Variants in CCDC3 observed in about 807,000 individuals in gnomAD.
The protein encoded by CCDC3 is coiled-coil domain-containing protein 3.
CCDC3 carries 24 observed loss-of-function variants against 21.4 expected under a neutral mutation model. The ratio of observed to expected loss-of-function variants is 1.12; its 90% CI spans 0.81 to 1.58. The LOEUF (loss-of-function observed/expected upper bound fraction) is 1.58. CCDC3 is among the 40% of genes most tolerant of loss of function. The pLI is 0.00. For missense variants in CCDC3, 425 were observed against 360.9 expected (o/e 1.18, Z -1.44); for synonymous variants, 186 against 166.0 (o/e 1.12, Z -0.93).
chr10:12,928,913 C>G (rs764013038), intron 2 of CCDC3, among the ~76,000 whole-genome samples: 1 of 152,132 alleles, frequency 6.6e-6, no homozygotes, highest in African/African-American at 2.4e-5. Flanking sequence ...GCTTTGGAGG[C>G]ACCTGGTTGA....
chr10:12,916,238 C>T (rs1453697904), intron 2 of CCDC3, among the ~76,000 whole-genome samples: 4 of 152,222 alleles, frequency 2.6e-5, no homozygotes, highest in East Asian at 1.9e-4. Flanking sequence ...TTGAGACCAG[C>T]CTGGCCAACA....
At chr10:12,915,484 G>C (rs1368758466) in intron 2 of CCDC3, among the ~76,000 whole-genome samples, 1 of 152,142 alleles carries the variant, frequency 6.6e-6, no homozygotes, top group Non-Finnish European at 1.5e-5. Context: ...ATAAATCTCT[G>C]TATCTTTAGA....
At chr10:12,995,331 TCC>T (rs1835745710) in intron 2 of CCDC3, among the ~76,000 whole-genome samples, 1 of 152,176 alleles carries the variant, frequency 6.6e-6, no homozygotes, top group Non-Finnish European at 1.5e-5. Context: ...AACCTCTGCC[TCC>T]CAAGATCAAA....
At position 13,012,489 on chromosome 10, in the gene CCDC3, A is replaced by C. The variant is rs146025867; in HGVS notation, c.-1-13977T>G. Among the ~76,000 whole-genome samples, 415 of 152,308 alleles carry C rather than the reference A, an allele frequency of 2.7e-3. 2 individuals carry two copies. The highest frequency in any genetic ancestry group is 9.6e-3 in the African/African-American group (398 of 41,572). ...ATGCAAATCAAAACCACAACATTAT[A>C]CCATCTCGCACGAGTCTGAATGGCT... is the stretch of plus-strand genomic sequence containing the variant. On this transcript the variant is annotated intron_variant, in intron 5 of 6. Coordinates refer to the CCDC3 transcript ENST00000378839.
chr10:12,958,321 G>T (rs13377045), intron 2 of CCDC3, among the ~76,000 whole-genome samples: 3 of 151,858 alleles, frequency 2.0e-5, no homozygotes, highest in Non-Finnish European at 4.4e-5. Context: ...ACTGCAACCT[G>T]ACACCATGAG....
intron 2 of CCDC3, among the ~76,000 whole-genome samples, chr10:12,902,989 G>A (rs1834116263): frequency 6.6e-6 from 1 of 152,226 alleles, no homozygotes; most frequent in Admixed American, 6.5e-5. Flanking sequence ...GCGTGGATGG[G>A]ATGAGAGTTC....
chr10:12,973,857 G>T (rs1835377479), intron 2 of CCDC3, among the ~76,000 whole-genome samples: 2 of 152,140 alleles, frequency 1.3e-5, no homozygotes. Flanking sequence ...AGTGTGATGT[G>T]GTTTTTTAAA....
chr10:12,974,932 G>A (rs1239917930), intron 2 of CCDC3, among the ~76,000 whole-genome samples: 2 of 152,154 alleles, frequency 1.3e-5, no homozygotes, highest in Admixed American at 6.5e-5. Flanking sequence ...AGTACCTGGT[G>A]TTTTCTACAC....
chr10:12,949,157 A>C (rs1216967123), intron 2 of CCDC3, among the ~76,000 whole-genome samples: 1 of 152,206 alleles, frequency 6.6e-6, no homozygotes, highest in Non-Finnish European at 1.5e-5. Context: ...CACAACTGCC[A>C]GTGTTCCCCT....
At chr10:13,059,588 A>G (rs932741942) in intron 4 of CCDC3, among the ~76,000 whole-genome samples, 5 of 152,160 alleles carry the variant, frequency 3.3e-5, no homozygotes, top group Non-Finnish European at 7.3e-5. Flanking sequence ...TTAACACCCA[A>G]ATTCACAGTG....
At chr10:12,919,942 A>G (rs927771949) in intron 2 of CCDC3, among the ~76,000 whole-genome samples, 2 of 152,114 alleles carry the variant, frequency 1.3e-5, no homozygotes, top group African/African-American at 4.8e-5. Context: ...CATGAGTGGA[A>G]TTGAGGCTCC....
intron 2 of CCDC3, among the ~76,000 whole-genome samples, chr10:12,958,512 C>A (rs1247043096): frequency 6.6e-6 from 1 of 152,220 alleles, no homozygotes; most frequent in East Asian, 1.9e-4. Context: ...CCCTGATTCA[C>A]CCCATAGGGT....
chr10:12,906,062 A>G (rs1834166548), intron 2 of CCDC3, among the ~76,000 whole-genome samples: 1 of 152,174 alleles, frequency 6.6e-6, no homozygotes, highest in Non-Finnish European at 1.5e-5. Context: ...CCCATTCTTT[A>G]AAAGCCTTTA....
At chr10:12,944,891 GA>G (rs1050287743) in intron 2 of CCDC3, among the ~76,000 whole-genome samples, 9 of 152,204 alleles carry the variant, frequency 5.9e-5, no homozygotes, top group Admixed American at 5.9e-4. Context: ...ATTCCCATGG[GA>G]AAGGGGTCTT....
At chr10:12,983,130 G>GTATA (rs57120940) in intron 2 of CCDC3, among the ~76,000 whole-genome samples, 27 of 28,932 alleles carry the variant, frequency 9.3e-4, no homozygotes, top group South Asian at 4.7e-3. Context: ...ATAAAATAGT[G>GTATA]TATATATATA....
chr10:12,960,477 A>G (rs1262099695), intron 2 of CCDC3, among the ~76,000 whole-genome samples: 1 of 152,278 alleles, frequency 6.6e-6, no homozygotes, highest in East Asian at 1.9e-4. Context: ...TTGGCCACAG[A>G]AAGCAGCTGC....
In CCDC3 at chr10:12,950,560, A is replaced by C. The variant is rs2028376; in HGVS notation, c.549+47778T>G. Among the ~76,000 whole-genome samples the C allele has an allele frequency of 2.9e-3, 444 of 152,336 alleles. 4 individuals carry two copies. Among genetic ancestry groups the C allele is most frequent in the African/African-American group, 0.01 (426 of 41,590 alleles). ...GCAAATTGTTCTCTACTGAAACAACATGAAATGCTTTCATACTTTGGGGTT... is the reference window on the plus strand; with the variant it reads ...GCAAATTGTTCTCTACTGAAACAACCTGAAATGCTTTCATACTTTGGGGTT... On this transcript the variant is annotated intron_variant, in intron 2 of 2. Transcript: ENST00000378825.
At chr10:13,097,939 G>T (rs990360619) in intron 3 of CCDC3, among the ~76,000 whole-genome samples, 2 of 152,190 alleles carry the variant, frequency 1.3e-5, no homozygotes, top group African/African-American at 4.8e-5. Flanking sequence ...CTTTCCATCA[G>T]TTGGGTCTGG....
chr10:13,030,229 T>G (rs535558543), intron 5 of CCDC3, among the ~76,000 whole-genome samples: 1 of 152,254 alleles, frequency 6.6e-6, no homozygotes, highest in East Asian at 1.9e-4. Flanking sequence ...GAATTTCATA[T>G]CCAGTCAAAC....
Sources: gnomAD v4.1 joint callset for allele counts (sites outside exome capture counted in the v4.1 genomes callset) on GRCh38, gnomAD v4.1.1 for gene constraint, MANE v1.5 for transcripts, NCBI Gene and HGNC (gene_info 2026-07-23, HGNC 2026-07-21) for gene names.